Variants in NMRK1 observed in about 807,000 individuals in gnomAD.
NMRK1 encodes nicotinamide riboside kinase 1.
Under a neutral mutation model 29.9 loss-of-function variants are expected in NMRK1, and 28 were observed. The observed-to-expected ratio is 0.94, with a 90% CI of 0.69 to 1.28. The LOEUF is 1.28. Ranked by LOEUF, NMRK1 falls within the 50% of genes most tolerant of loss-of-function variation. The pLI is 0.00. For synonymous variants in NMRK1, 58 were observed against 73.0 expected (o/e 0.79, Z 1.05); for missense variants, 218 against 233.1 (o/e 0.94, Z 0.42).
intron 2 of NMRK1, among the ~76,000 whole-genome samples, chr9:75,079,180 A>T (rs772812846): frequency 1.3e-5 from 2 of 152,228 alleles, no homozygotes; most frequent in Non-Finnish European, 2.9e-5. Context: ...ACCTCAAGGT[A>T]GAAGGAACCT....
At position 75,069,982 on chromosome 9, in the gene NMRK1, G is replaced by A. The variant is rs79772124; in HGVS notation, c.230C>T (p.Ala77Val). Residue 77 changes from alanine (A) to valine (V), a missense_variant, in exon 5 of 9, where the codon GCA (alanine) becomes GTA (valine). Transcript: ENST00000361092. ...GTCTGTTGATACCACAGAGTGTCTTGCGCTTTCCATCCAGCAGGAAATGGC... is the reference window on the plus strand; with the variant it reads ...GTCTGTTGATACCACAGAGTGTCTTACGCTTTCCATCCAGCAGGAAATGGC... ...MSAISCWMES[A>V]RHSVVSTDQE... is the part of the protein sequence containing the mutation. The A allele has an allele frequency of 6.2e-7, 1 of 1,613,850 alleles. No individual in the cohort carries two copies. The highest frequency in any genetic ancestry group is 8.5e-7 in the Non-Finnish European group (1 of 1,179,870).
chr9:75,082,981 G>A (rs1824403192), intron 2 of NMRK1, 106 bp downstream of exon 2: 1 of 822,798 alleles, frequency 1.2e-6, no homozygotes, highest in South Asian at 1.4e-5. Context: ...TCTTCCCCAG[G>A]ACTCTGGAAT....
intron 7 of NMRK1, chr9:75,067,316 ATTGTGTGTGTGTGTATGT>A (rs1823411618): frequency 7.3e-6 from 1 of 136,656 alleles, no homozygotes; most frequent in Non-Finnish European, 1.5e-5. Context: ...GAAAATATGT[ATTGTGTGTGTGTGTATGT>A]TTGTGTGTGT....
In NMRK1 at chr9:75,076,879, C is replaced by T. The variant is rs536267516; in HGVS notation, c.169+280G>A. On this transcript the variant is annotated intron_variant, in intron 4 of 8. Transcript: ENST00000361092. ...AAAGTGCTGGCATTACAGGTGTAAG[C>T]CTCCAAGCCTGGCCCCAGTGTTTTC... 1.9e-4 allele frequency among the ~76,000 whole-genome samples: 29 copies of T among 152,270 alleles called. No homozygotes were observed. The East Asian group carries it at 5.4e-3, about 28-fold the overall frequency.
At chr9:75,065,472 A>T (rs1277403740) in intron 8 of NMRK1, among the ~76,000 whole-genome samples, 1 of 151,888 alleles carries the variant, frequency 6.6e-6, no homozygotes, top group African/African-American at 2.4e-5. Context: ...CTTGGTAGCT[A>T]ATTTTTAAAA....
chr9:75,067,619 T>C (rs1186614673), intron 7 of NMRK1, among the ~76,000 whole-genome samples: 2 of 152,212 alleles, frequency 1.3e-5, no homozygotes, highest in Admixed American at 1.3e-4. Context: ...GCTGTTTGGA[T>C]TGTATCTCAA....
At chr9:75,078,697 A>G (rs1824152228) in intron 2 of NMRK1, 2 of 344,790 alleles carry the variant, frequency 5.8e-6, no homozygotes, top group African/African-American at 2.1e-5. Flanking sequence ...TGTAAGTGAT[A>G]TAAGTACCTC....
chr9:75,083,159 A>G lies in NMRK1; in HGVS notation c.-35-9T>C. 1 of 1,357,956 alleles carries G rather than the reference A, an allele frequency of 7.4e-7. No homozygotes were observed. The highest frequency in any genetic ancestry group is 1.7e-5 in the Admixed American group (1 of 59,218). 84.1% of individuals were successfully genotyped at this position (1,357,956 alleles called of 1,614,324 possible). A position where few individuals can be genotyped will look rare whatever the true frequency, so the allele number is the denominator to read the frequency against. ...CAGCTTCCTAATATTTCCTAAAAGT[A>G]AAAAAACAAACAAACAAATCAAATG... On this transcript the variant is annotated splice_polypyrimidine_tract_variant and intron_variant, in intron 1 of 8. Coordinates refer to ENST00000361092, the MANE Select transcript of NMRK1 (RefSeq NM_017881.3).
At chr9:75,071,835 G>A (rs563566713) in intron 4 of NMRK1, among the ~76,000 whole-genome samples, 3 of 152,234 alleles carry the variant, frequency 2.0e-5, no homozygotes, top group Non-Finnish European at 2.9e-5. Context: ...GAGCTGACAC[G>A]CCCTGAGTAA....
intron 2 of NMRK1, among the ~76,000 whole-genome samples, chr9:75,079,280 C>T (rs1037831115): frequency 2.1e-4 from 32 of 152,204 alleles, no homozygotes; most frequent in African/African-American, 7.7e-4. Flanking sequence ...TGAGTGGGTG[C>T]TACCCTATGT....
intron 4 of NMRK1, among the ~76,000 whole-genome samples, chr9:75,075,423 A>G (rs1427301837): frequency 6.6e-6 from 1 of 152,212 alleles, no homozygotes; most frequent in Non-Finnish European, 1.5e-5. Flanking sequence ...TTTGCCTCTC[A>G]TAAAACTATT....
chr9:75,075,702 T>C (rs1823949184), intron 4 of NMRK1, among the ~76,000 whole-genome samples: 1 of 152,144 alleles, frequency 6.6e-6, no homozygotes, highest in Non-Finnish European at 1.5e-5. Context: ...GGAGAATCCA[T>C]CTAAAATATA....
intron 6 of NMRK1, 143 bp from the exon 7 acceptor site, chr9:75,069,245 A>G: frequency 1.7e-6 from 1 of 579,184 alleles, no homozygotes; most frequent in Non-Finnish European, 3.1e-6. Context: ...GTTTTAACTC[A>G]ATGGCAGTTA....
At position 75,083,170 on chromosome 9, in the gene NMRK1, C is replaced by G. The variant is rs537641489; in HGVS notation, c.-35-20G>C. 908 of 1,241,076 alleles carry G rather than the reference C, an allele frequency of 7.3e-4. 8 individuals carry two copies. The South Asian group carries it at 7.7e-3, about 10-fold the overall frequency. 76.9% of individuals were successfully genotyped at this position (1,241,076 alleles called of 1,614,324 possible). On this transcript the variant is annotated intron_variant, in intron 1 of 8. Transcript: ENST00000361092. Reference sequence around the variant, plus strand: ...TATTTCCTAAAAGTAAAAAAACAAACAAACAAATCAAATGCATTTCATTTA... The same window carrying G: ...TATTTCCTAAAAGTAAAAAAACAAAGAAACAAATCAAATGCATTTCATTTA...
intron 2 of NMRK1, chr9:75,082,754 T>C (rs1354409548): frequency 3.3e-6 from 1 of 301,208 alleles, no homozygotes; most frequent in African/African-American, 2.2e-5. Context: ...TTCTCCTCCA[T>C]CGTGATGAAG....
chr9:75,077,519 T>C lies in NMRK1; in HGVS notation c.91A>G (p.Ser31Gly), dbSNP rs1243147157. ...AAGAAATCATCCTGAGATATGACAC[T>C]GCAATTTGGGAGGTGTTTCTGCAAA... ...KNLQKHLPNC[S>G]VISQDDFFKP... The change falls in exon 3 of 9, where the codon AGT (serine) becomes GGT (glycine). Residue 31 changes from serine to glycine, a missense_variant. Transcript: ENST00000361092. 3 of 1,612,464 alleles carry C rather than the reference T, an allele frequency of 1.9e-6. No homozygotes were observed. The highest frequency in any genetic ancestry group is 2.5e-6 in the Non-Finnish European group (3 of 1,178,474).
intron 2 of NMRK1, among the ~76,000 whole-genome samples, chr9:75,077,909 G>A (rs1054860723): frequency 5.3e-5 from 8 of 152,118 alleles, no homozygotes; most frequent in African/African-American, 1.9e-4. Flanking sequence ...GTGCTTGGAC[G>A]TGAGCCACCA....
intron 8 of NMRK1, among the ~76,000 whole-genome samples, chr9:75,062,042 T>C (rs1823052287): frequency 6.6e-6 from 1 of 152,220 alleles, no homozygotes; most frequent in Non-Finnish European, 1.5e-5. Flanking sequence ...AAAGCACACA[T>C]TTTTTGGGTA....
chr9:75,072,506 G>C (rs1340758408), intron 4 of NMRK1, among the ~76,000 whole-genome samples: 1 of 152,212 alleles, frequency 6.6e-6, no homozygotes. Context: ...AAACTACAAT[G>C]ATGTTTGGGA....
Sources: allele counts gnomAD v4.1 joint callset (sites outside exome capture counted in the v4.1 genomes callset), GRCh38; gene constraint gnomAD v4.1.1; transcripts MANE v1.5; gene names NCBI Gene and HGNC (gene_info 2026-07-23, HGNC 2026-07-21).